Variants in FRYL observed in about 807,000 individuals in gnomAD.
FRYL encodes the protein protein furry homolog-like.
A neutral mutation model predicts 351.2 loss-of-function variants in FRYL; 150 were observed. The observed-to-expected ratio is 0.43, with a 90% confidence interval of 0.37 to 0.49. FRYL has a LOEUF of 0.49. FRYL is among the 20% of genes least tolerant of loss of function. The probability of loss-of-function intolerance (pLI) is 0.00; values close to 1 mark genes in which losing one functional copy is unlikely to be tolerated. For missense variants in FRYL, 3,036 were observed against 3,619.3 expected (o/e 0.84, Z 4.13); for synonymous variants, 1,153 against 1,257.1 (o/e 0.92, Z 1.75).
intron 3 of FRYL, chr4:48,653,719 C>A: frequency 7.8e-7 from 1 of 1,290,258 alleles, no homozygotes; most frequent in Non-Finnish European, 1.0e-6. Context: ...CTTACAGCTG[C>A]TGCTCCAGGA....
At chr4:48,692,844 C>G (rs951519195) in intron 2 of FRYL, among the ~76,000 whole-genome samples, 59 of 152,240 alleles carry the variant, frequency 3.9e-4, no homozygotes, top group Non-Finnish European at 7.9e-4. Context: ...GTACTATTAT[C>G]TATAAAAATA....
intron 1 of FRYL, among the ~76,000 whole-genome samples, chr4:48,723,246 G>A (rs1333507398): frequency 7.9e-5 from 12 of 152,044 alleles, no homozygotes; most frequent in African/African-American, 2.4e-4. Flanking sequence ...GGGCTCAAGC[G>A]ATCCTCCCAC....
chr4:48,641,923 C>T (rs1457684377), intron 3 of FRYL, among the ~76,000 whole-genome samples: 2 of 152,106 alleles, frequency 1.3e-5, no homozygotes, highest in Non-Finnish European at 2.9e-5. Context: ...TTTAAGTTCG[C>T]TTTATTTGTT....
chr4:48,575,692 A>G (rs1739454505), intron 24 of FRYL, among the ~76,000 whole-genome samples: 2 of 152,254 alleles, frequency 1.3e-5, no homozygotes, highest in African/African-American at 4.8e-5. Flanking sequence ...AAGGCGTTTA[A>G]TTATTTAAAT....
At position 48,510,067 on chromosome 4, in the gene FRYL, C is replaced by T. The variant is rs199599571; in HGVS notation, c.8386G>A (p.Ala2796Thr). 2.7e-4 allele frequency: 431 copies of T among 1,609,568 alleles called. No individual in the cohort carries two copies. Among genetic ancestry groups the T allele is most frequent in the African/African-American group, 3.7e-4 (28 of 74,936 alleles). ...LDTYNVKREA[A>T]EQWLDDCKRT... ...GGTAAAAAGAGACTGACCTGCTCAG[C>T]GGCTTCTCTTTTCACATTGTATGTA... The change falls in exon 59 of 64, where the codon GCT becomes ACT. Residue 2796 changes from alanine to threonine, a missense_variant. By Grantham distance (58) the Ala-to-Thr change is moderately conservative. Around this residue, in one of 7 missense-constraint regions of FRYL, gnomAD observed 1,987 missense variants for 2,311.7 expected, o/e 0.86. Transcript: ENST00000358350.
chr4:48,696,337 C>T (rs2149567653), intron 2 of FRYL, among the ~76,000 whole-genome samples: 1 of 152,212 alleles, frequency 6.6e-6, no homozygotes, highest in African/African-American at 2.4e-5. Flanking sequence ...CCATGGAATA[C>T]CGTGCAGCCA....
At chr4:48,587,230 C>T (rs1353993687) in intron 18 of FRYL, among the ~76,000 whole-genome samples, 2 of 151,972 alleles carry the variant, frequency 1.3e-5, no homozygotes, top group Non-Finnish European at 2.9e-5. Flanking sequence ...TGTTCTTGTC[C>T]TGTATGTGAC....
chr4:48,598,707 AC>A (rs1418827525), intron 13 of FRYL: 2 of 217,288 alleles, frequency 9.2e-6, no homozygotes, highest in African/African-American at 2.4e-5. Context: ...CTCTTAAAAT[AC>A]TAGAAGCAGG....
intron 3 of FRYL, among the ~76,000 whole-genome samples, chr4:48,674,375 CTAAGGA>C (rs1411781875): frequency 6.6e-6 from 1 of 152,174 alleles, no homozygotes; most frequent in Middle Eastern, 3.4e-3. Context: ...AAAAAACAGT[CTAAGGA>C]TATTTAAGCA....
At chr4:48,638,196 C>A (rs962549273) in intron 3 of FRYL, 3 of 152,038 alleles carry the variant, frequency 2.0e-5, no homozygotes, top group African/African-American at 7.2e-5. Flanking sequence ...TACATATGTA[C>A]ACAAATATTA....
At chr4:48,665,031 A>G (rs1761468026) in intron 3 of FRYL, among the ~76,000 whole-genome samples, 1 of 152,212 alleles carries the variant, frequency 6.6e-6, no homozygotes, top group Non-Finnish European at 1.5e-5. Flanking sequence ...TACAGATTGG[A>G]CCAGTGCAAT....
Position 48,602,085 on chromosome 4 carries a change from T to C in FRYL, c.970A>G (p.Ser324Gly), listed in dbSNP as rs758327761. 1 of 1,601,902 alleles carries C rather than the reference T, an allele frequency of 6.2e-7. No homozygotes were observed. Among genetic ancestry groups the C allele is most frequent in the South Asian group, 1.1e-5 (1 of 90,800 alleles). ...TTATTTAAAAAAAATTGTTTCTGAC[T>C]GACACATAAAAGGCAGGTAATTAGT... ...YPLITCLLCVSQKQFFLNNWH... is the reference protein window; with the variant it reads ...YPLITCLLCVGQKQFFLNNWH... Residue 324 changes from serine to glycine, a missense_variant, in exon 13 of 64, where the codon AGT becomes GGT. Around this residue, in one of 7 missense-constraint regions of FRYL, gnomAD observed 457 missense variants for 566.6 expected, o/e 0.81. Coordinates refer to ENST00000358350, the MANE Select transcript of FRYL (RefSeq NM_015030.2).
chr4:48,539,304 CT>C (rs1234303343), intron 47 of FRYL, among the ~76,000 whole-genome samples: 3 of 152,056 alleles, frequency 2.0e-5, no homozygotes, highest in Non-Finnish European at 4.4e-5. Context: ...TTTCCAAATC[CT>C]AAAATATATT....
chr4:48,576,210 A>G lies in FRYL; in HGVS notation c.2541T>C (p.Asn847=), dbSNP rs561393970. Residue 847 remains asparagine (N), a synonymous_variant, in exon 24 of 64, where the codon AAT becomes AAC. Coordinates refer to ENST00000358350, the MANE Select transcript of FRYL (RefSeq NM_015030.2). ...TTGTGGTGGTATTTACTTTCTTAGCATTGATGGGGCTACTAAGGAAAAAAA... is the reference window on the plus strand; with the variant it reads ...TTGTGGTGGTATTTACTTTCTTAGCGTTGATGGGGCTACTAAGGAAAAAAA... ...SPQVDINSPI[N]AKKVNTTTSS... The G allele has an allele frequency of 4.6e-5, 74 of 1,601,916 alleles. 1 individual carries two copies. The South Asian group carries it at 7.4e-4, about 16-fold the overall frequency.
chr4:48,776,135 T>G (rs7657332), intron 1 of FRYL, among the ~76,000 whole-genome samples: 1 of 149,138 alleles, frequency 6.7e-6, no homozygotes, highest in African/African-American at 2.4e-5. Context: ...AGCAGTGTTA[T>G]GTGACACTTT....
At chr4:48,577,474 G>A (rs903376193) in intron 23 of FRYL, among the ~76,000 whole-genome samples, 12 of 152,066 alleles carry the variant, frequency 7.9e-5, no homozygotes, top group African/African-American at 2.7e-4. Flanking sequence ...CACTGGTAAC[G>A]TATCAGTCAA....
chr4:48,654,714 T>C (rs578102570), intron 3 of FRYL, among the ~76,000 whole-genome samples: 1 of 152,356 alleles, frequency 6.6e-6, no homozygotes, highest in Admixed American at 6.5e-5. Context: ...TGTCAATGAA[T>C]AGCGAGAAAT....
intron 3 of FRYL, among the ~76,000 whole-genome samples, chr4:48,652,765 G>C (rs1162142751): frequency 6.6e-6 from 1 of 152,134 alleles, no homozygotes; most frequent in Non-Finnish European, 1.5e-5. Context: ...TTTTGGTAAA[G>C]AGTTAACCTG....
At chr4:48,556,499 C>T (rs755053894) in intron 35 of FRYL, among the ~76,000 whole-genome samples, 11 of 152,198 alleles carry the variant, frequency 7.2e-5, no homozygotes, top group Non-Finnish European at 1.5e-4. Flanking sequence ...CTCACACTCA[C>T]CATCCTGTTC....
Sources: allele counts gnomAD v4.1 joint callset (sites outside exome capture counted in the v4.1 genomes callset), GRCh38; gene constraint gnomAD v4.1.1; regional missense constraint gnomAD v4.1.1; transcripts MANE v1.5; gene names NCBI Gene and HGNC (gene_info 2026-07-23, HGNC 2026-07-21).